Variants in ZNF143 observed in about 807,000 individuals in gnomAD.
ZNF143 encodes SPH-binding factor.
A neutral mutation model predicts 74.1 loss-of-function variants in ZNF143; 49 were observed. The ratio of observed to expected loss-of-function variants is 0.66; its 90% CI spans 0.53 to 0.84. The LOEUF (loss-of-function observed/expected upper bound fraction) is 0.84, where lower values mean the gene tolerates loss of function less well. ZNF143 is among the 40% of genes least tolerant of loss of function. The probability of loss-of-function intolerance (pLI) is 0.00; values close to 1 mark genes in which losing one functional copy is unlikely to be tolerated. For synonymous variants in ZNF143, 304 were observed against 282.8 expected (o/e 1.07, Z -0.75); for missense variants, 637 against 793.4 (o/e 0.80, Z 2.37).
At chr11:9,504,776 G>A (rs1194614390) in intron 11 of ZNF143, among the ~76,000 whole-genome samples, 1 of 116,160 alleles carries the variant, frequency 8.6e-6, no homozygotes, top group Non-Finnish European at 2.0e-5. Context: ...CTGGGTTCAA[G>A]CGATTCTCCT....
chr11:9,527,630 G>T lies in ZNF143; in HGVS notation c.*17G>T. On this transcript the variant is annotated 3_prime_UTR_variant, in exon 16 of 16. Transcript: ENST00000396602. ...GATGATTAATCCTCAGAACAATGGAGCAATAAAGCAGAAGGAGTCTTTCAT... is the reference window on the plus strand; with the variant it reads ...GATGATTAATCCTCAGAACAATGGATCAATAAAGCAGAAGGAGTCTTTCAT... 6.2e-7 allele frequency: 1 copy of T among 1,608,960 alleles called. No homozygotes were observed. The highest frequency in any genetic ancestry group is 8.5e-7 in the Non-Finnish European group (1 of 1,175,794).
In ZNF143 at chr11:9,474,623, C is replaced by T. The variant is rs779645731; in HGVS notation, c.363C>T (p.His121=). 8.7e-6 allele frequency: 14 copies of T among 1,614,064 alleles called. No homozygotes were observed. In the East Asian group the frequency reaches 2.2e-4, roughly 26 times the overall value. The change falls in exon 5 of 16, where the codon CAC becomes CAT. Residue 121 remains histidine, a synonymous_variant. Transcript: ENST00000396602. ...LEDGTTAFIH[H]TSKDSYDQSA... is the part of the protein sequence containing the mutation. The stretch of plus-strand genomic sequence containing the variant: ...ATGGTACCACAGCATTTATTCACCA[C>T]ACCTCCAAAGGTAAAATAACTTTGA...
intron 1 of ZNF143, among the ~76,000 whole-genome samples, chr11:9,465,273 G>A (rs181655975): frequency 0.11 from 16,191 of 151,714 alleles, 1,026 homozygotes; most frequent in Non-Finnish European, 0.14. Context: ...TGCAACCTCC[G>A]CCTCCCGGGT....
chr11:9,494,701 A>G lies in ZNF143; in HGVS notation c.701A>G (p.Glu234Gly). 5 of 1,613,858 alleles carry G rather than the reference A, an allele frequency of 3.1e-6. No homozygotes were observed. Among genetic ancestry groups the G allele is most frequent in the East Asian group, 2.2e-5 (1 of 44,864 alleles). Residue 234 changes from glutamate (E) to glycine (G), a missense_variant, in exon 8 of 16, where the codon GAG becomes GGG. Transcript: ENST00000396602. Reference sequence around the variant, plus strand: ...ACTGCTAAATCTCAACAGAGTGGAGAGAAGGCATTTCGATGTGAATATGAT... The same window carrying G: ...ACTGCTAAATCTCAACAGAGTGGAGGGAAGGCATTTCGATGTGAATATGAT... ...RVTAKSQQSGEKAFRCEYDGC... is the reference protein window; with the variant it reads ...RVTAKSQQSGGKAFRCEYDGC...
chr11:9,509,692 C>T (rs1362283008), intron 12 of ZNF143, among the ~76,000 whole-genome samples: 3 of 152,192 alleles, frequency 2.0e-5, no homozygotes, highest in Non-Finnish European at 4.4e-5. Context: ...AAGAACAGAT[C>T]ATCTGCTCAG....
In ZNF143 at chr11:9,508,642, G is replaced by C; in HGVS notation, c.1171G>C (p.Val391Leu). Residue 391 changes from valine to leucine, a missense_variant, in exon 12 of 16, where the codon GTT (valine) becomes CTT (leucine). Coordinates refer to ENST00000396602, the MANE Select transcript of ZNF143 (RefSeq NM_003442.6). ...AGGAGAAAAGCCATATGTTTGTACA[G>C]TTCCTGGGTGTGACAAAAGGTTTAC... is the stretch of plus-strand genomic sequence containing the variant. ...HTGEKPYVCT[V>L]PGCDKRFTEY... 1 of 1,612,824 alleles carries C rather than the reference G, an allele frequency of 6.2e-7. No homozygotes were observed. The highest frequency in any genetic ancestry group is 8.5e-7 in the Non-Finnish European group (1 of 1,180,022).
At chr11:9,502,375 C>T (rs1848198399) in intron 11 of ZNF143, among the ~76,000 whole-genome samples, 2 of 148,814 alleles carry the variant, frequency 1.3e-5, no homozygotes, top group South Asian at 4.3e-4. Flanking sequence ...TTTGGGAGGC[C>T]GAAGTGAGCG....
intron 1 of ZNF143, chr11:9,463,632 T>C (rs1856006100): frequency 6.6e-6 from 1 of 152,194 alleles, no homozygotes; most frequent in Non-Finnish European, 1.5e-5. Context: ...ATTCGTCTTA[T>C]TATGATTTGG....
intron 1 of ZNF143, among the ~76,000 whole-genome samples, chr11:9,466,888 T>TGTG (rs1554960303): frequency 1.5e-4 from 23 of 151,404 alleles, no homozygotes; most frequent in African/African-American, 5.3e-4. Flanking sequence ...TGGTTTTTTT[T>TGTG]TGTGTGTGTG....
intron 1 of ZNF143, among the ~76,000 whole-genome samples, chr11:9,463,451 A>T (rs568279678): frequency 1.3e-5 from 2 of 152,102 alleles, no homozygotes; most frequent in African/African-American, 4.8e-5. Flanking sequence ...TGTTATCATC[A>T]GTCTTTTTGA....
chr11:9,485,839 G>A (rs1344385797), intron 7 of ZNF143, among the ~76,000 whole-genome samples: 2 of 151,468 alleles, frequency 1.3e-5, no homozygotes, highest in South Asian at 4.1e-4. Flanking sequence ...CAGATTGTAA[G>A]TTATAGCTGC....
chr11:9,483,480 T>C (rs2133951930), intron 7 of ZNF143, among the ~76,000 whole-genome samples: 1 of 149,776 alleles, frequency 6.7e-6, no homozygotes, highest in African/African-American at 2.5e-5. Flanking sequence ...GTATTTTTAG[T>C]AGAGACAGGG....
intron 14 of ZNF143, among the ~76,000 whole-genome samples, chr11:9,517,014 A>C (rs1017162930): frequency 1.1e-4 from 17 of 152,204 alleles, no homozygotes; most frequent in Non-Finnish European, 1.8e-4. Flanking sequence ...TCCCAGGCTC[A>C]AACAATCCTC....
At chr11:9,502,348 G>T (rs537333573) in intron 11 of ZNF143, among the ~76,000 whole-genome samples, 2 of 140,348 alleles carry the variant, frequency 1.4e-5, no homozygotes, top group Non-Finnish European at 3.0e-5. Flanking sequence ...GGTGGCTCAC[G>T]CCTGTAATCC....
intron 7 of ZNF143, among the ~76,000 whole-genome samples, chr11:9,484,996 A>G (rs951981924): frequency 6.8e-6 from 1 of 148,064 alleles, no homozygotes; most frequent in African/African-American, 2.6e-5. Flanking sequence ...ACAGGGTTTC[A>G]CTGTGTTAGC....
At chr11:9,489,556 GGTATA>G (rs780835441) in intron 7 of ZNF143, among the ~76,000 whole-genome samples, 61 of 152,112 alleles carry the variant, frequency 4.0e-4, no homozygotes, top group Non-Finnish European at 7.4e-4. Flanking sequence ...CCAAATTCCT[GGTATA>G]TGTTTCATAC....
chr11:9,506,314 CAG>C (rs964264074), intron 11 of ZNF143, among the ~76,000 whole-genome samples: 16 of 152,302 alleles, frequency 1.1e-4, no homozygotes, highest in Admixed American at 5.2e-4. Flanking sequence ...GCATGGGTGA[CAG>C]AGCGAGACTC....
intron 7 of ZNF143, among the ~76,000 whole-genome samples, chr11:9,486,438 TAATATATTATATATATTA>T (rs1213393108): frequency 8.2e-4 from 35 of 42,616 alleles, no homozygotes; most frequent in Non-Finnish European, 1.2e-3. Flanking sequence ...ATTATATATA[TAATATATTATATATATTA>T]TATATATATA....
chr11:9,527,851 A>C lies in ZNF143; in HGVS notation c.*238A>C. 2.6e-6 allele frequency: 1 copy of C among 382,386 alleles called. No homozygotes were observed. The highest frequency in any genetic ancestry group is 4.9e-5 in the South Asian group (1 of 20,528). The allele number at this position is 382,386 out of a possible 1,614,324, so 23.7% of individuals were successfully genotyped here. A position where few individuals can be genotyped will look rare whatever the true frequency, so the allele number is the denominator to read the frequency against. Reference sequence around the variant, plus strand: ...GTATGAAATTAGGGCAATACAGTAAATTTTCATGTTACTCTTTTATCAGAT... The same window carrying C: ...GTATGAAATTAGGGCAATACAGTAACTTTTCATGTTACTCTTTTATCAGAT... On this transcript the variant is annotated 3_prime_UTR_variant, in exon 16 of 16. Transcript: ENST00000396602.
Sources: allele counts gnomAD v4.1 joint callset (sites outside exome capture counted in the v4.1 genomes callset), GRCh38; gene constraint gnomAD v4.1.1; transcripts MANE v1.5; gene names NCBI Gene and HGNC (gene_info 2026-07-23, HGNC 2026-07-21).